Variants in STYXL2 observed in about 807,000 individuals in gnomAD.
STYXL2 encodes the protein serine/threonine/tyrosine interacting like 2.
A neutral mutation model predicts 52.4 loss-of-function variants in STYXL2; 44 were observed. That is an observed-to-expected ratio of 0.84 (90% CI 0.66 to 1.08). STYXL2 has a LOEUF of 1.08. STYXL2 is among the 50% of genes least tolerant of loss of function. STYXL2 has a pLI of 0.00. For missense variants in STYXL2, 1,604 were observed against 1,471.7 expected, an observed-to-expected ratio of 1.09 and a Z score of -1.47; for synonymous variants, 604 against 586.9, an observed-to-expected ratio of 1.03 and a Z score of -0.42.
In STYXL2 at chr1:167,128,318, G is replaced by A. The variant is rs750219933; in HGVS notation, c.3187G>A (p.Ala1063Thr). Reference sequence around the variant, plus strand: ...CCCAGAACCACAGCGCCCAAATTGGGCCAGGTCCAGGGACTGGGAAGATGT... The same window carrying A: ...CCCAGAACCACAGCGCCCAAATTGGACCAGGTCCAGGGACTGGGAAGATGT... Reference protein sequence around the residue: ...ESPEPQRPNWARSRDWEDVEE... With the variant: ...ESPEPQRPNWTRSRDWEDVEE... Residue 1063 changes from alanine (A) to threonine (T), a missense_variant, in exon 6 of 6, where the codon GCC becomes ACC. Coordinates refer to ENST00000361200, the MANE Select transcript of STYXL2 (RefSeq NM_001080426.3). 35 of 1,613,484 alleles carry A rather than the reference G, an allele frequency of 2.2e-5. No individual in the cohort carries two copies. Among genetic ancestry groups the A allele is most frequent in the Non-Finnish European group, 3.0e-5 (35 of 1,179,722 alleles).
chr1:167,096,212 C>T (rs777225992), intron 2 of STYXL2, among the ~76,000 whole-genome samples: 5 of 151,934 alleles, frequency 3.3e-5, no homozygotes, highest in African/African-American at 4.8e-5. Flanking sequence ...GAGCCGAGAT[C>T]GCGCCACTGA....
intron 5 of STYXL2, among the ~76,000 whole-genome samples, chr1:167,123,225 T>C (rs1667894055): frequency 6.6e-6 from 1 of 152,206 alleles, no homozygotes. Flanking sequence ...CTGCTTTGGA[T>C]GAAGTGGGTA....
chr1:167,103,364 T>G (rs997071228), intron 2 of STYXL2, among the ~76,000 whole-genome samples: 2 of 152,174 alleles, frequency 1.3e-5, no homozygotes, highest in African/African-American at 4.8e-5. Context: ...AACAGAATTT[T>G]ACTCTTTCCT....
chr1:167,113,644 AT>A, intron 2 of STYXL2, 65 bp from the exon 3 acceptor site: 1 of 1,241,754 alleles, frequency 8.1e-7, no homozygotes, highest in Non-Finnish European at 1.2e-6. Flanking sequence ...CAGGTTTCTC[AT>A]CTAAAAGAAT....
At chr1:167,120,288 T>C (rs908713346) in intron 5 of STYXL2, among the ~76,000 whole-genome samples, 1 of 152,144 alleles carries the variant, frequency 6.6e-6, no homozygotes, top group Non-Finnish European at 1.5e-5. Context: ...TGGGAAGAGT[T>C]GAGGATATGG....
chr1:167,094,897 G>A lies in STYXL2; in HGVS notation c.48G>A (p.Glu16=). Reference sequence around the variant, plus strand: ...AGGAGGAGCAGGTAGTCCCAAGCGAGGAGGACGAAGCCAACGTGAGGGCGG... The same window carrying A: ...AGGAGGAGCAGGTAGTCCCAAGCGAAGAGGACGAAGCCAACGTGAGGGCGG... ...DTEEEQVVPS[E]EDEANVRAVQ... is the part of the protein sequence containing the mutation. The change falls in exon 2 of 6, where the codon GAG becomes GAA. Residue 16 remains glutamate (E), a synonymous_variant. Coordinates refer to ENST00000361200, the MANE Select transcript of STYXL2 (RefSeq NM_001080426.3). 1 of 1,613,350 alleles carries A rather than the reference G, an allele frequency of 6.2e-7. No homozygotes were observed.
rs768209070 is a variant in STYXL2, at chr1:167,119,471, G to C, written c.655+5G>C. The C allele has an allele frequency of 1.9e-6, 3 of 1,613,180 alleles. No homozygotes were observed. In the East Asian group the frequency reaches 6.7e-5, roughly 36 times the overall value. On this transcript the variant is annotated splice_donor_5th_base_variant and intron_variant, in intron 5 of 5. Coordinates refer to ENST00000361200, the MANE Select transcript of STYXL2 (RefSeq NM_001080426.3). ...AGGCGCTGCTGACTTACAGAGGTGA[G>C]AGGGATCTGCCGCTCCAGGCTGCTG...
At chr1:167,113,670 T>A in intron 2 of STYXL2, 40 bp from the exon 3 acceptor site, 1 of 1,470,970 alleles carries the variant, frequency 6.8e-7, no homozygotes, top group Non-Finnish European at 9.5e-7. Flanking sequence ...TCAGTTCAGA[T>A]GCTACAGGCT....
chr1:167,128,083 G>A lies in STYXL2; in HGVS notation c.2952G>A (p.Gln984=), dbSNP rs762302853. Residue 984 remains glutamine (Q), a synonymous_variant, in exon 6 of 6, where the codon CAG becomes CAA. Transcript: ENST00000361200. ...CCAGTTACAAGTTTTCCAAATCCCAGTCAGAGGAACAGGACACCTCCTCCT... is the reference window on the plus strand; with the variant it reads ...CCAGTTACAAGTTTTCCAAATCCCAATCAGAGGAACAGGACACCTCCTCCT... ...KSSSYKFSKS[Q]SEEQDTSSYH... The A allele has an allele frequency of 3.7e-6, 6 of 1,614,086 alleles. No homozygotes were observed. In the African/African-American group the frequency reaches 8.0e-5, roughly 22 times the overall value.
At chr1:167,123,085 A>G (rs1277512953) in intron 5 of STYXL2, among the ~76,000 whole-genome samples, 1 of 152,212 alleles carries the variant, frequency 6.6e-6, no homozygotes, top group African/African-American at 2.4e-5. Flanking sequence ...ACTGTTGGAA[A>G]AATTTTCACC....
At chr1:167,109,207 A>G (rs1316749263) in intron 2 of STYXL2, among the ~76,000 whole-genome samples, 1 of 152,202 alleles carries the variant, frequency 6.6e-6, no homozygotes, top group Non-Finnish European at 1.5e-5. Context: ...TGCAAACAAG[A>G]GCACAGAAGC....
chr1:167,097,111 T>G (rs1281920126), intron 2 of STYXL2, among the ~76,000 whole-genome samples: 1 of 152,232 alleles, frequency 6.6e-6, no homozygotes, highest in Admixed American at 6.5e-5. Context: ...AGAAATACCC[T>G]TGTCTATTGT....
chr1:167,127,432 A>C lies in STYXL2; in HGVS notation c.2301A>C (p.Gln767His). ...CGGCTAGCTGCCTGGGGGATGACCAAGTCTCCATGCTTAGTGGACACAGCA... is the reference window on the plus strand; with the variant it reads ...CGGCTAGCTGCCTGGGGGATGACCACGTCTCCATGCTTAGTGGACACAGCA... ...VPAASCLGDDQVSMLSGHSSS... is the reference protein window; with the variant it reads ...VPAASCLGDDHVSMLSGHSSS... Residue 767 changes from glutamine to histidine, a missense_variant, in exon 6 of 6, where the codon CAA becomes CAC. Gln to His is a conservative substitution (Grantham distance 24, BLOSUM62 0). Coordinates refer to ENST00000361200, the MANE Select transcript of STYXL2 (RefSeq NM_001080426.3). The C allele has an allele frequency of 6.2e-7, 1 of 1,614,102 alleles. No individual in the cohort carries two copies. The highest frequency in any genetic ancestry group is 1.3e-5 in the African/African-American group (1 of 75,052).
chr1:167,124,831 T>C (rs1192211147), intron 5 of STYXL2, among the ~76,000 whole-genome samples: 2 of 152,074 alleles, frequency 1.3e-5, no homozygotes, highest in African/African-American at 4.8e-5. Context: ...CAAGTTTATA[T>C]GGTATCAGTA....
In STYXL2 at chr1:167,094,909, C is replaced by T. The variant is rs896879884; in HGVS notation, c.60C>T (p.Ala20=). The change falls in exon 2 of 6, where the codon GCC becomes GCT. Residue 20 remains alanine (A), a synonymous_variant. Coordinates refer to ENST00000361200, the MANE Select transcript of STYXL2 (RefSeq NM_001080426.3). ...EQVVPSEEDE[A]NVRAVQAHYL... is the part of the protein sequence containing the mutation. ...TAGTCCCAAGCGAGGAGGACGAAGC[C>T]AACGTGAGGGCGGTGCAGGCCCACT... The T allele has an allele frequency of 5.6e-6, 9 of 1,612,766 alleles. No homozygotes were observed. The African/African-American group carries it at 1.2e-4, about 22-fold the overall frequency.
At chr1:167,103,661 C>T (rs771392466) in intron 2 of STYXL2, among the ~76,000 whole-genome samples, 1 of 152,104 alleles carries the variant, frequency 6.6e-6, no homozygotes, top group Non-Finnish European at 1.5e-5. Context: ...AGAAAATGGG[C>T]GGTTAGAGAT....
At position 167,109,800 on chromosome 1, in the gene STYXL2, G is replaced by A. The variant is rs115325899; in HGVS notation, c.111-3910G>A. On this transcript the variant is annotated intron_variant, in intron 2 of 5. Coordinates refer to ENST00000361200, the MANE Select transcript of STYXL2 (RefSeq NM_001080426.3). ...TTACAACAACTCATAAAAGAACAAT[G>A]CTGCTCTAAGAAAGGAGAAAACAAC... Among the ~76,000 whole-genome samples, 278 of 152,284 alleles carry A rather than the reference G, an allele frequency of 1.8e-3. 3 individuals are homozygous for A. The highest frequency in any genetic ancestry group is 6.1e-3 in the African/African-American group (255 of 41,574).
At chr1:167,117,286 T>A in intron 3 of STYXL2, 42 bp from the exon 4 acceptor site, 4 of 1,518,256 alleles carry the variant, frequency 2.6e-6, no homozygotes, top group Non-Finnish European at 3.6e-6. Context: ...AAGGCCATGA[T>A]GTTCCTAACT....
rs763223361 is a variant in STYXL2 at position 167,117,396 on chromosome 1, C to CT, written c.275dup (p.Val93GlyfsTer14). The CT allele has an allele frequency of 3.7e-6, 6 of 1,612,902 alleles. No homozygotes were observed. The highest frequency in any genetic ancestry group is 5.1e-6 in the Non-Finnish European group (6 of 1,179,562). On this transcript the variant is annotated frameshift_variant, in exon 4 of 6. Coordinates refer to ENST00000361200, the MANE Select transcript of STYXL2 (RefSeq NM_001080426.3). LOFTEE classifies it high-confidence loss of function. ...CATGCTGGAGTCTGCTGAACAGCTG[C>CT]TGGTGGAGGACCTGTACAACCGCGT... is the stretch of plus-strand genomic sequence containing the variant.
Sources: gnomAD v4.1 joint callset for allele counts (sites outside exome capture counted in the v4.1 genomes callset) on GRCh38, gnomAD v4.1.1 for gene constraint, MANE v1.5 for transcripts, NCBI Gene and HGNC (gene_info 2026-07-23, HGNC 2026-07-21) for gene names.